The following AMBRA1 variants were observed in gnomAD, a reference collection of about 807,000 sequenced individuals.
AMBRA1 encodes the protein activating molecule in BECN1-regulated autophagy protein 1.
Under a neutral mutation model 125.4 loss-of-function variants are expected in AMBRA1, and 47 were observed. The ratio of observed to expected loss-of-function variants is 0.37; its 90% confidence interval spans 0.30 to 0.48. The LOEUF (loss-of-function observed/expected upper bound fraction) is 0.48, where lower values mean the gene tolerates loss of function less well. AMBRA1 is among the 20% of genes least tolerant of loss of function. AMBRA1 has a pLI of 0.99. For missense variants in AMBRA1, 1,331 were observed against 1,693.4 expected, an observed-to-expected ratio of 0.79 and a Z score of 3.76; for synonymous variants, 626 against 655.5, an observed-to-expected ratio of 0.95 and a Z score of 0.69.
intron 1 of AMBRA1, among the ~76,000 whole-genome samples, chr11:46,551,541 G>C (rs1292368454): frequency 1.3e-5 from 2 of 152,200 alleles, no homozygotes; most frequent in African/African-American, 4.8e-5. Context: ...TTTTGAAAAA[G>C]GTAAATCTGT....
chr11:46,541,350 AGCAATAG>A (rs761708624), intron 7 of AMBRA1, among the ~76,000 whole-genome samples: 4 of 152,192 alleles, frequency 2.6e-5, no homozygotes, highest in African/African-American at 7.2e-5. Context: ...ATCTCAACTG[AGCAATAG>A]GCTGCCCAAA....
chr11:46,417,358 A>G (rs1056612253), intron 15 of AMBRA1, among the ~76,000 whole-genome samples: 1 of 152,130 alleles, frequency 6.6e-6, no homozygotes, highest in Non-Finnish European at 1.5e-5. Context: ...CCCCAAATTG[A>G]GCTTTTCAAT....
At chr11:46,463,051 GC>G (rs1441163962) in intron 11 of AMBRA1, among the ~76,000 whole-genome samples, 2 of 152,172 alleles carry the variant, frequency 1.3e-5, no homozygotes, top group African/African-American at 4.8e-5. Flanking sequence ...ACCACGTCTG[GC>G]CAATAATCCC....
At chr11:46,588,498 G>A (rs972011957) in intron 1 of AMBRA1, among the ~76,000 whole-genome samples, 4 of 151,774 alleles carry the variant, frequency 2.6e-5, no homozygotes, top group South Asian at 2.1e-4. Context: ...ATGATGGGCC[G>A]GGCACGGTGG....
At chr11:46,435,839 CA>C (rs1947689121) in intron 12 of AMBRA1, among the ~76,000 whole-genome samples, 1 of 152,232 alleles carries the variant, frequency 6.6e-6, no homozygotes, top group Non-Finnish European at 1.5e-5. Flanking sequence ...CTCCACACAA[CA>C]GCACCAATGA....
chr11:46,475,354 A>G (rs968618649), intron 11 of AMBRA1, among the ~76,000 whole-genome samples: 2 of 152,250 alleles, frequency 1.3e-5, no homozygotes, highest in African/African-American at 2.4e-5. Flanking sequence ...GATAGACAAA[A>G]TATTCAACAG....
Position 46,469,211 on chromosome 11 carries a change from T to C in AMBRA1, c.2521+24397A>G, listed in dbSNP as rs1221152646. Among the ~76,000 whole-genome samples, 2 of 152,228 alleles carry C rather than the reference T, an allele frequency of 1.3e-5. 1 individual carries two copies. The highest frequency in any genetic ancestry group is 4.8e-5 in the African/African-American group (2 of 41,464). On this transcript the variant is annotated intron_variant, in intron 11 of 17. Transcript: ENST00000683756. ...AGTTTAGGCTTTACAGTTATATCTA[T>C]ATCTAACGTATTTTCATTGAATATG...
chr11:46,483,366 C>T (rs1347653229), intron 11 of AMBRA1, among the ~76,000 whole-genome samples: 1 of 152,190 alleles, frequency 6.6e-6, no homozygotes, highest in Admixed American at 6.5e-5. Context: ...CAAAGATATC[C>T]ATGCTTGCTC....
chr11:46,543,314 G>A lies in AMBRA1; in HGVS notation c.703C>T (p.Arg235Cys), dbSNP rs773212919. 6.2e-7 allele frequency: 1 copy of A among 1,614,070 alleles called. No individual in the cohort carries two copies. The highest frequency in any genetic ancestry group is 8.5e-7 in the Non-Finnish European group (1 of 1,179,984). ...AAATTGTGGAGGAGAGGCGTCCGGC[G>A]AACTGGCTGTGATTGCAGGAGGGCA... Reference protein sequence around the residue: ...QRALLQSQPVRRTPLLHNFLH... With the variant: ...QRALLQSQPVCRTPLLHNFLH... Residue 235 changes from arginine to cysteine, a missense_variant, in exon 7 of 18, where the codon CGC becomes TGC. By Grantham distance (180) the Arg-to-Cys change is radical. Transcript: ENST00000683756.
At chr11:46,470,450 G>A (rs1367964936) in intron 11 of AMBRA1, among the ~76,000 whole-genome samples, 2 of 151,954 alleles carry the variant, frequency 1.3e-5, no homozygotes, top group South Asian at 2.1e-4. Flanking sequence ...TTAGCCGGGC[G>A]TGGTGGTGGG....
intron 15 of AMBRA1, among the ~76,000 whole-genome samples, chr11:46,413,669 T>A (rs1467169736): frequency 1.3e-5 from 2 of 152,192 alleles, no homozygotes; most frequent in Non-Finnish European, 2.9e-5. Context: ...TTTTGTATTT[T>A]CAGTAGAGAC....
chr11:46,580,568 T>C (rs1421065980), intron 1 of AMBRA1, among the ~76,000 whole-genome samples: 1 of 152,192 alleles, frequency 6.6e-6, no homozygotes, highest in Non-Finnish European at 1.5e-5. Context: ...GGAATCATAC[T>C]TGACACCTTC....
chr11:46,505,129 T>C (rs1950984763), intron 9 of AMBRA1, among the ~76,000 whole-genome samples: 1 of 152,328 alleles, frequency 6.6e-6, no homozygotes, highest in Admixed American at 6.5e-5. Context: ...TTAGGAGGAT[T>C]ACTCGCCATA....
intron 14 of AMBRA1, 93 bp downstream of exon 14, chr11:46,433,381 G>A (rs1251218221): frequency 2.1e-6 from 3 of 1,463,366 alleles, no homozygotes; most frequent in African/African-American, 2.8e-5. Flanking sequence ...GATAGCTCTG[G>A]TCCTGGCTGG....
At chr11:46,419,034 A>ATCTAATT (rs1350246872) in intron 14 of AMBRA1, among the ~76,000 whole-genome samples, 9 of 152,200 alleles carry the variant, frequency 5.9e-5, no homozygotes, top group Non-Finnish European at 1.2e-4. Flanking sequence ...TTCTTAATTC[A>ATCTAATT]TCTAATTAAA....
chr11:46,545,635 C>T lies in AMBRA1; in HGVS notation c.520G>A (p.Val174Met). ...CGTTCCATCTCACTAGCTGTCTTCA[C>T]CACAGCAAAGGGTTCCCGTCGACTC... ...DWSRREPFAV[V>M]KTASEMERVR... The change falls in exon 5 of 18, where the codon GTG becomes ATG. Residue 174 changes from valine to methionine, a missense_variant. Val to Met is a conservative substitution (Grantham distance 21). This residue lies in a region of AMBRA1 where 144 missense variants were observed against 250.4 expected (regional missense o/e 0.58). Transcript: ENST00000683756. 6.2e-7 allele frequency: 1 copy of T among 1,614,114 alleles called. No individual in the cohort carries two copies. Among genetic ancestry groups the T allele is most frequent in the Non-Finnish European group, 8.5e-7 (1 of 1,179,980 alleles).
At chr11:46,429,226 T>C (rs916135990) in intron 14 of AMBRA1, 117 of 1,225,768 alleles carry the variant, frequency 9.5e-5, no homozygotes, top group Non-Finnish European at 1.3e-4. Context: ...AGCGGCCCCC[T>C]ACCCCATAAA....
chr11:46,560,761 C>T (rs927044311), intron 1 of AMBRA1, among the ~76,000 whole-genome samples: 1 of 152,136 alleles, frequency 6.6e-6, no homozygotes, highest in Non-Finnish European at 1.5e-5. Flanking sequence ...AAGAAGGCTA[C>T]TCTTAAATGT....
intron 11 of AMBRA1, among the ~76,000 whole-genome samples, chr11:46,452,897 C>G (rs1948681920): frequency 2.0e-5 from 3 of 152,132 alleles, no homozygotes; most frequent in Admixed American, 2.0e-4. Context: ...ATATGTGTGT[C>G]TGTCTGTTTA....
Sources: allele counts gnomAD v4.1 joint callset (sites outside exome capture counted in the v4.1 genomes callset), GRCh38; gene constraint gnomAD v4.1.1; regional missense constraint gnomAD v4.1.1; transcripts MANE v1.5; gene names NCBI Gene and HGNC (gene_info 2026-07-23, HGNC 2026-07-21).